MOSMO: variants seen among roughly 807,000 people sequenced by gnomAD.
MOSMO encodes the protein modulator of smoothened.
MOSMO carries 5 observed loss-of-function variants against 18.4 expected under a neutral mutation model. The ratio of observed to expected loss-of-function variants is 0.27; its 90% CI spans 0.14 to 0.57. The LOEUF (loss-of-function observed/expected upper bound fraction) is 0.57, where lower values mean the gene tolerates loss of function less well. Among genes scored for constraint, MOSMO ranks in the 20% least tolerant of loss-of-function variants. The probability of loss-of-function intolerance (pLI) is 0.92; values close to 1 mark genes in which losing one functional copy is unlikely to be tolerated. For missense variants in MOSMO, 138 were observed against 211.8 expected, an observed-to-expected ratio of 0.65 and a Z score of 2.16; for synonymous variants, 82 against 82.3, an observed-to-expected ratio of 1.00 and a Z score of 0.02.
chr16:22,090,691 A>C (rs889028756), downstream of MOSMO, among the ~76,000 whole-genome samples: 1 of 152,232 alleles, frequency 6.6e-6, no homozygotes, highest in African/African-American at 2.4e-5. Context: ...AGATGAGCTG[A>C]CCCTGATCCA....
intron 1 of MOSMO, among the ~76,000 whole-genome samples, chr16:22,045,247 TTTC>T (rs745316353): frequency 6.6e-6 from 1 of 152,060 alleles, no homozygotes; most frequent in Non-Finnish European, 1.5e-5. Context: ...TTCTCTGTGG[TTTC>T]TTATACACAA....
At chr16:22,012,062 T>G (rs1028562105) in intron 1 of MOSMO, among the ~76,000 whole-genome samples, 23 of 152,178 alleles carry the variant, frequency 1.5e-4, no homozygotes, top group Non-Finnish European at 3.2e-4. Context: ...CCACTTAACC[T>G]GGCAACAAAA....
intron 1 of MOSMO, among the ~76,000 whole-genome samples, chr16:22,051,335 C>A (rs1466445420): frequency 1.3e-5 from 2 of 151,802 alleles, no homozygotes; most frequent in Non-Finnish European, 2.9e-5. Flanking sequence ...TTGCAGTGAG[C>A]CAAGATGGTG....
At chr16:22,012,330 T>C (rs1407302305) in intron 1 of MOSMO, among the ~76,000 whole-genome samples, 1 of 152,186 alleles carries the variant, frequency 6.6e-6, no homozygotes, top group Non-Finnish European at 1.5e-5. Flanking sequence ...TTTGTCTCCG[T>C]TTCCTCCTGT....
At chr16:22,056,242 A>G (rs893920589) in intron 1 of MOSMO, among the ~76,000 whole-genome samples, 1 of 152,008 alleles carries the variant, frequency 6.6e-6, no homozygotes, top group African/African-American at 2.4e-5. Context: ...TTTGACAAAT[A>G]TAACTTATAT....
chr16:22,023,996 A>G (rs1470050723), intron 1 of MOSMO, among the ~76,000 whole-genome samples: 1 of 82,776 alleles, frequency 1.2e-5, no homozygotes, highest in Non-Finnish European at 2.0e-5. Flanking sequence ...TTTTGTACAA[A>G]TTATATATAT....
chr16:22,033,600 G>A (rs539632302), intron 1 of MOSMO, among the ~76,000 whole-genome samples: 7 of 152,002 alleles, frequency 4.6e-5, no homozygotes, highest in Middle Eastern at 3.4e-3. Context: ...GGCAGATCAC[G>A]AGGTCAGGAG....
intron 1 of MOSMO, among the ~76,000 whole-genome samples, chr16:22,051,342 G>A (rs12324996): frequency 0.35 from 53,358 of 151,540 alleles, 10,974 homozygotes; most frequent in East Asian, 0.7. Flanking sequence ...GAGCCAAGAT[G>A]GTGCCTGCAC....
intron 1 of MOSMO, among the ~76,000 whole-genome samples, chr16:22,039,305 C>A (rs1016815542): frequency 6.6e-6 from 1 of 151,972 alleles, no homozygotes; most frequent in African/African-American, 2.4e-5. Context: ...GCTAGGTGAC[C>A]TTAGGCAAGT....
rs796905087 is a variant in MOSMO at position 22,074,550 on chromosome 16, G to A, written c.107-937G>A. ...GAAGGGGAAACAAGTAGTTTTTATT[G>A]AGAAGTACCATTGAAAACATTCTTC... On this transcript the variant is annotated intron_variant, in intron 1 of 2. Coordinates refer to ENST00000542527, the MANE Select transcript of MOSMO (RefSeq NM_001164579.2). Among the ~76,000 whole-genome samples the A allele has an allele frequency of 4.6e-5, 7 of 152,274 alleles. No homozygotes were observed. The East Asian group carries it at 1.2e-3, about 25-fold the overall frequency.
intron 1 of MOSMO, among the ~76,000 whole-genome samples, chr16:22,025,291 T>G (rs1391368518): frequency 6.6e-6 from 1 of 152,190 alleles, no homozygotes; most frequent in Admixed American, 6.5e-5. Context: ...CTAAAGTTAA[T>G]CAGACTAACT....
intron 1 of MOSMO, among the ~76,000 whole-genome samples, chr16:22,036,539 C>A (rs1312936229): frequency 1.3e-5 from 2 of 152,180 alleles, no homozygotes; most frequent in East Asian, 3.8e-4. Flanking sequence ...CCTTGAACTT[C>A]TGTGCTCAAG....
chr16:22,081,354 G>T lies in MOSMO; in HGVS notation c.*474G>T, dbSNP rs1365242697. 6.6e-6 allele frequency: 1 copy of T among 152,044 alleles called. No individual in the cohort carries two copies. Among genetic ancestry groups the T allele is most frequent in the Non-Finnish European group, 1.5e-5 (1 of 68,040 alleles). The allele number at this position is 152,044 out of a possible 1,614,324, so 9.4% of individuals were successfully genotyped here. A position where few individuals can be genotyped will look rare whatever the true frequency, so the allele number is the denominator to read the frequency against. On this transcript the variant is annotated 3_prime_UTR_variant, in exon 3 of 3. Coordinates refer to ENST00000542527, the MANE Select transcript of MOSMO (RefSeq NM_001164579.2). ...TGGCCTCACCTCCTAAGAAATTAGT[G>T]TTCACAACTTCCTTGTAATAGTATG...
chr16:22,027,534 C>T (rs572510426), intron 1 of MOSMO, among the ~76,000 whole-genome samples: 2 of 152,272 alleles, frequency 1.3e-5, no homozygotes, highest in East Asian at 3.9e-4. Flanking sequence ...CTTAATACTA[C>T]ACCCAGCACT....
chr16:22,051,579 C>G (rs1396184704), intron 1 of MOSMO, among the ~76,000 whole-genome samples: 1 of 152,076 alleles, frequency 6.6e-6, no homozygotes, highest in African/African-American at 2.4e-5. Context: ...ATGCCCCTTC[C>G]CCCATACCTC....
At chr16:22,031,447 T>C (rs574330681) in intron 1 of MOSMO, among the ~76,000 whole-genome samples, 1 of 152,252 alleles carries the variant, frequency 6.6e-6, no homozygotes, top group Non-Finnish European at 1.5e-5. Context: ...TTCACAGTTA[T>C]ACAATCATCA....
At chr16:22,072,959 T>C (rs1900888570) in intron 1 of MOSMO, among the ~76,000 whole-genome samples, 1 of 152,288 alleles carries the variant, frequency 6.6e-6, no homozygotes, top group South Asian at 2.1e-4. Context: ...CTATAGCTAT[T>C]CTTTTAAAGC....
intron 1 of MOSMO, among the ~76,000 whole-genome samples, chr16:22,063,649 C>T (rs932479055): frequency 2.0e-5 from 3 of 152,092 alleles, no homozygotes; most frequent in South Asian, 2.1e-4. Flanking sequence ...GTTCCTTGAA[C>T]GTTTATGAGA....
chr16:22,033,761 A>G (rs2141997117), intron 1 of MOSMO, among the ~76,000 whole-genome samples: 1 of 151,914 alleles, frequency 6.6e-6, no homozygotes, highest in East Asian at 2.0e-4. Flanking sequence ...CGGAGCTTGC[A>G]GTGAGCCGAG....
Sources: allele counts gnomAD v4.1 joint callset (sites outside exome capture counted in the v4.1 genomes callset), GRCh38; gene constraint gnomAD v4.1.1; transcripts MANE v1.5; gene names NCBI Gene and HGNC (gene_info 2026-07-23, HGNC 2026-07-21).